The following RUFY3 variants were observed in gnomAD, a reference collection of about 807,000 sequenced individuals.
RUFY3 encodes the protein protein RUFY3.
A neutral mutation model predicts 84.0 loss-of-function variants in RUFY3; 34 were observed. The observed-to-expected ratio is 0.40, with a 90% confidence interval of 0.31 to 0.54. The LOEUF is 0.54. Ranked by LOEUF, RUFY3 falls within the 20% of genes least tolerant of loss-of-function variation. The probability of loss-of-function intolerance (pLI) is 0.39; values close to 1 mark genes in which losing one functional copy is unlikely to be tolerated. For synonymous variants in RUFY3, 242 were observed against 252.9 expected, an observed-to-expected ratio of 0.96 and a Z score of 0.41; for missense variants, 507 against 736.8, an observed-to-expected ratio of 0.69 and a Z score of 3.61.
intron 12 of RUFY3, among the ~76,000 whole-genome samples, chr4:70,791,046 G>A (rs1012700739): frequency 1.1e-4 from 16 of 152,122 alleles, no homozygotes; most frequent in African/African-American, 3.6e-4. Flanking sequence ...CTTTTGAAAT[G>A]AAATGTATCA....
intron 1 of RUFY3, among the ~76,000 whole-genome samples, chr4:70,709,733 T>C (rs555601168): frequency 6.6e-6 from 1 of 152,322 alleles, no homozygotes; most frequent in Non-Finnish European, 1.5e-5. Flanking sequence ...CCCTGCTGTT[T>C]GCACAGTTAA....
At chr4:70,755,673 C>T (rs569286665) in intron 1 of RUFY3, among the ~76,000 whole-genome samples, 5 of 152,276 alleles carry the variant, frequency 3.3e-5, no homozygotes, top group African/African-American at 7.2e-5. Context: ...ACATTGAGGT[C>T]GGGTACGGTG....
chr4:70,773,371 A>C, intron 5 of RUFY3, 140 bp from the exon 6 acceptor site: 1 of 610,022 alleles, frequency 1.6e-6, no homozygotes, highest in Non-Finnish European at 2.9e-6. Context: ...AACTGAAAGT[A>C]AAACAGTACA....
At chr4:70,795,588 T>A (rs1731399260) in intron 14 of RUFY3, among the ~76,000 whole-genome samples, 1 of 152,158 alleles carries the variant, frequency 6.6e-6, no homozygotes, top group Non-Finnish European at 1.5e-5. Context: ...CTTCTGTGTG[T>A]ACATATTATA....
chr4:70,791,736 A>G, intron 12 of RUFY3: 1 of 994,538 alleles, frequency 1.0e-6, no homozygotes, highest in Non-Finnish European at 1.2e-6. Context: ...AGAGGTAACT[A>G]CCATGTGAAC....
chr4:70,708,125 AAAAAAT>A (rs1267254521), intron 1 of RUFY3, among the ~76,000 whole-genome samples: 1 of 152,162 alleles, frequency 6.6e-6, no homozygotes, highest in African/African-American at 2.4e-5. Context: ...CCTGTTTTTA[AAAAAAT>A]AAAAATAAAA....
chr4:70,724,069 G>T (rs555369737), intron 1 of RUFY3, among the ~76,000 whole-genome samples: 168 of 152,162 alleles, frequency 1.1e-3, no homozygotes, highest in African/African-American at 3.9e-3. Flanking sequence ...TGTATGTTTC[G>T]TTATGTGCAC....
At chr4:70,738,386 G>A (rs1445989638) in intron 1 of RUFY3, among the ~76,000 whole-genome samples, 1 of 131,420 alleles carries the variant, frequency 7.6e-6, no homozygotes, top group Admixed American at 7.8e-5. Context: ...TTTTTGAGAC[G>A]GAGTTTTGGT....
At chr4:70,780,415 C>T (rs1204690512) in intron 8 of RUFY3, among the ~76,000 whole-genome samples, 1 of 152,176 alleles carries the variant, frequency 6.6e-6, no homozygotes, top group Non-Finnish European at 1.5e-5. Flanking sequence ...CTGCCTCAGC[C>T]TCCGAGTAGC....
chr4:70,710,153 C>T (rs1303444970), intron 1 of RUFY3, among the ~76,000 whole-genome samples: 3 of 152,000 alleles, frequency 2.0e-5, no homozygotes, highest in African/African-American at 7.3e-5. Context: ...ACATGTAAAC[C>T]CAGGAATTAG....
At chr4:70,723,682 A>T (rs1210980693) in intron 1 of RUFY3, among the ~76,000 whole-genome samples, 1 of 152,144 alleles carries the variant, frequency 6.6e-6, no homozygotes, top group East Asian at 1.9e-4. Flanking sequence ...CTCTGTCCTT[A>T]TACTGATGAA....
chr4:70,787,168 GAAAAAAAA>G (rs71211959), intron 10 of RUFY3, among the ~76,000 whole-genome samples: 4 of 53,022 alleles, frequency 7.5e-5, no homozygotes, highest in African/African-American at 3.5e-4. Flanking sequence ...CCCTGTCTCA[GAAAAAAAA>G]AAAAAAAAAA....
At chr4:70,752,243 T>A (rs925469612) in intron 1 of RUFY3, among the ~76,000 whole-genome samples, 1 of 152,260 alleles carries the variant, frequency 6.6e-6, no homozygotes, top group Non-Finnish European at 1.5e-5. Flanking sequence ...TATACAAATA[T>A]AATTAATTTT....
At chr4:70,723,363 G>T (rs987860313) in intron 1 of RUFY3, among the ~76,000 whole-genome samples, 4 of 152,132 alleles carry the variant, frequency 2.6e-5, no homozygotes, top group Non-Finnish European at 5.9e-5. Flanking sequence ...GCCTGGAAAG[G>T]TTAAATATGA....
chr4:70,806,620 C>A lies in RUFY3; in HGVS notation c.1824C>A (p.His608Gln). 2.5e-6 allele frequency: 4 copies of A among 1,614,180 alleles called. No individual in the cohort carries two copies. The highest frequency in any genetic ancestry group is 3.4e-6 in the Non-Finnish European group (4 of 1,180,024). The change falls in exon 18 of 18, where the codon CAC becomes CAA. Residue 608 changes from histidine (H) to glutamine (Q), a missense_variant. Transcript: ENST00000381006. ...IKLERVCNPC[H>Q]KHLMKQYSTS... is the part of the protein sequence containing the mutation. ...TTGAGCGAGTTTGCAATCCCTGTCACAAGCATCTGATGAAGCAATATTCTA... is the reference window on the plus strand; with the variant it reads ...TTGAGCGAGTTTGCAATCCCTGTCAAAAGCATCTGATGAAGCAATATTCTA...
intron 1 of RUFY3, among the ~76,000 whole-genome samples, chr4:70,707,152 C>T (rs550373079): frequency 6.6e-6 from 1 of 152,322 alleles, no homozygotes; most frequent in East Asian, 1.9e-4. Context: ...TTACTCTTAT[C>T]AGTTAATACT....
Position 70,794,859 on chromosome 4 carries a change from C to T in RUFY3, c.1522C>T (p.Pro508Ser), listed in dbSNP as rs1010598618. 1 of 1,612,188 alleles carries T rather than the reference C, an allele frequency of 6.2e-7. No homozygotes were observed. Among genetic ancestry groups the T allele is most frequent in the Non-Finnish European group, 8.5e-7 (1 of 1,178,700 alleles). Reference protein sequence around the residue: ...ERRLQNDRSIPGRGSQKSESK... With the variant: ...ERRLQNDRSISGRGSQKSESK... ...AAGATTACAAAACGACAGGAGCATC[C>T]CAGGAAGGGGTTCCCAGAAGTCAGA... The change falls in exon 14 of 18, where the codon CCA becomes TCA. Residue 508 changes from proline (P) to serine (S), a missense_variant. By Grantham distance (74) the Pro-to-Ser change is moderately conservative. Coordinates refer to ENST00000381006, the MANE Select transcript of RUFY3 (RefSeq NM_001037442.4).
intron 1 of RUFY3, among the ~76,000 whole-genome samples, chr4:70,745,494 A>T (rs1293651753): frequency 6.6e-6 from 1 of 152,160 alleles, no homozygotes; most frequent in African/African-American, 2.4e-5. Context: ...TAAATATCGG[A>T]TTTCTGTCTG....
At chr4:70,761,699 T>C (rs1306145597) in intron 1 of RUFY3, among the ~76,000 whole-genome samples, 2 of 152,206 alleles carry the variant, frequency 1.3e-5, no homozygotes, top group Non-Finnish European at 2.9e-5. Context: ...CCAAATAGTT[T>C]ATCCATCTGG....
Sources: allele counts gnomAD v4.1 joint callset (sites outside exome capture counted in the v4.1 genomes callset), GRCh38; gene constraint gnomAD v4.1.1; transcripts MANE v1.5; gene names NCBI Gene and HGNC (gene_info 2026-07-23, HGNC 2026-07-21).